NAV3: variants seen among roughly 807,000 people sequenced by gnomAD.
NAV3 encodes neuron navigator 3.
NAV3 carries 87 observed loss-of-function variants against 244.7 expected under a neutral mutation model. The ratio of observed to expected loss-of-function variants is 0.36; its 90% CI spans 0.30 to 0.42. NAV3 has a LOEUF of 0.42. Ranked by LOEUF, NAV3 falls within the 20% of genes least tolerant of loss-of-function variation. The probability of loss-of-function intolerance (pLI) is 1.00; values close to 1 mark genes in which losing one functional copy is unlikely to be tolerated. For synonymous variants in NAV3, 1,126 were observed against 1,042.2 expected (o/e 1.08, Z -1.55); for missense variants, 2,663 against 2,893.3 (o/e 0.92, Z 1.83).
rs145852720 is a variant in NAV3, at chr12:77,687,678, A to G, written c.72+115412A>G. Among the ~76,000 whole-genome samples the G allele has an allele frequency of 2.4e-3, 373 of 152,282 alleles. 2 individuals carry two copies. The highest frequency in any genetic ancestry group is 3.7e-3 in the Non-Finnish European group (251 of 67,998). On this transcript the variant is annotated intron_variant, in intron 2 of 8. Transcript: ENST00000550042. ...TCTAGCCTAATAAAAAGAGAAACTCATGAGAAAAAACTGGACTATTAGACT... is the reference window on the plus strand; with the variant it reads ...TCTAGCCTAATAAAAAGAGAAACTCGTGAGAAAAAACTGGACTATTAGACT...
In NAV3 at chr12:77,848,874, A is replaced by T. The variant is rs182894721; in HGVS notation, c.243+17170A>T. Among the ~76,000 whole-genome samples the T allele has an allele frequency of 1.4e-4, 21 of 152,238 alleles. No homozygotes were observed. The East Asian group carries it at 3.7e-3, about 27-fold the overall frequency. ...GCAGAGAAATCTCCTAATGAGGATT[A>T]AAAAAAATCAATATTTTCAATATGA... On this transcript the variant is annotated intron_variant, in intron 1 of 39. Coordinates refer to ENST00000397909, the MANE Select transcript of NAV3 (RefSeq NM_001024383.2).
chr12:78,190,117 C>T lies in NAV3; in HGVS notation c.6189C>T (p.Thr2063=). 1.2e-6 allele frequency: 2 copies of T among 1,613,060 alleles called. No homozygotes were observed. The highest frequency in any genetic ancestry group is 1.7e-6 in the Non-Finnish European group (2 of 1,179,500). The change falls in exon 34 of 40, where the codon ACC becomes ACT. Residue 2063 remains threonine (T), a synonymous_variant. Transcript: ENST00000397909. ...ILSGPSGTGK[T]YLANKLAEYV... ...CAGGACCGAGTGGTACTGGAAAGAC[C>T]TATTTGGCAAACAAACTTGCTGAAT...
Position 78,006,659 on chromosome 12 carries a change from T to C in NAV3, c.1121T>C (p.Val374Ala), listed in dbSNP as rs756584323. 10 of 1,613,928 alleles carry C rather than the reference T, an allele frequency of 6.2e-6. No homozygotes were observed. The highest frequency in any genetic ancestry group is 4.5e-5 in the East Asian group (2 of 44,832). Reference sequence around the variant, plus strand: ...CTGAAGCCACCTGTCTCAGAAGGGGTCAAAACTGCTCCCTCAGGACAGAAA... The same window carrying C: ...CTGAAGCCACCTGTCTCAGAAGGGGCCAAAACTGCTCCCTCAGGACAGAAA... ...DRLKPPVSEG[V>A]KTAPSGQKSM... Residue 374 changes from valine (V) to alanine (A), a missense_variant, in exon 8 of 40, where the codon GTC becomes GCC. By Grantham distance (64) the Val-to-Ala change is moderately conservative (BLOSUM62 0). Coordinates refer to ENST00000397909, the MANE Select transcript of NAV3 (RefSeq NM_001024383.2).
rs1273841986 is a variant in NAV3 at position 78,179,568 on chromosome 12, G to A, written c.5403G>A (p.Leu1801=). 6.2e-7 allele frequency: 1 copy of A among 1,613,218 alleles called. No homozygotes were observed. Residue 1801 remains leucine, a synonymous_variant, in exon 29 of 40, where the codon CTG becomes CTA. Transcript: ENST00000397909. ...CAGAAGCTGAGGCAGAGATAATTCT[G>A]CAGCTGAAGAGCGAGCTCAGAGAAA... ...ECTEAEAEII[L]QLKSELREKE... is the part of the protein sequence containing the mutation.
At chr12:78,035,539 G>A (rs935231522) in intron 9 of NAV3, among the ~76,000 whole-genome samples, 4 of 152,146 alleles carry the variant, frequency 2.6e-5, no homozygotes, top group Non-Finnish European at 5.9e-5. Context: ...TAAGAAATAA[G>A]AGCTGATTAT....
intron 2 of NAV3, among the ~76,000 whole-genome samples, chr12:77,585,767 A>G (rs942723262): frequency 2.6e-5 from 4 of 152,328 alleles, no homozygotes; most frequent in Non-Finnish European, 5.9e-5. Context: ...GCCACAAGCC[A>G]GTACTGGTCC....
At chr12:78,020,484 T>C (rs1353551809) in intron 8 of NAV3, among the ~76,000 whole-genome samples, 1 of 152,188 alleles carries the variant, frequency 6.6e-6, no homozygotes, top group Admixed American at 6.5e-5. Flanking sequence ...TCAGAAATTA[T>C]TGGAGTCCAA....
At chr12:77,585,156 T>C (rs1869542002) in intron 2 of NAV3, among the ~76,000 whole-genome samples, 1 of 152,158 alleles carries the variant, frequency 6.6e-6, no homozygotes, top group South Asian at 2.1e-4. Flanking sequence ...CAGGATGGTC[T>C]CAGAGAGAAG....
intron 2 of NAV3, among the ~76,000 whole-genome samples, chr12:77,688,598 T>C (rs539614515): frequency 6.6e-6 from 1 of 151,974 alleles, no homozygotes; most frequent in African/African-American, 2.4e-5. Context: ...ACTAAGAGGG[T>C]GGAATAGTTC....
At chr12:78,116,396 A>G (rs890587357) in intron 12 of NAV3, among the ~76,000 whole-genome samples, 1 of 152,178 alleles carries the variant, frequency 6.6e-6, no homozygotes, top group Non-Finnish European at 1.5e-5. Flanking sequence ...GATTTTTAGA[A>G]CAAAGAATAA....
At chr12:77,755,717 C>A (rs924374579) in intron 2 of NAV3, among the ~76,000 whole-genome samples, 1 of 146,112 alleles carries the variant, frequency 6.8e-6, no homozygotes, top group African/African-American at 2.5e-5. Context: ...TCTTTATTTT[C>A]TTTCTCTCTT....
At chr12:77,805,030 A>G (rs1047943982) in intron 2 of NAV3, among the ~76,000 whole-genome samples, 13 of 151,990 alleles carry the variant, frequency 8.6e-5, no homozygotes, top group Admixed American at 2.0e-4. Context: ...GTGTCTTGAG[A>G]CTACTGAAGT....
intron 2 of NAV3, among the ~76,000 whole-genome samples, chr12:77,816,002 A>G (rs544705054): frequency 6.6e-6 from 1 of 152,284 alleles, no homozygotes; most frequent in South Asian, 2.1e-4. Flanking sequence ...ATTTTAGAGG[A>G]CAGGGAGCTA....
rs756892035 is a variant in NAV3, at chr12:77,940,350, C to A, written c.275C>A (p.Ala92Glu). The A allele has an allele frequency of 8.7e-6, 14 of 1,613,840 alleles. No homozygotes were observed. The highest frequency in any genetic ancestry group is 4.4e-5 in the South Asian group (4 of 91,066). ...IYTDWANHYL[A>E]KSGHKRLIKD... is the part of the protein sequence containing the mutation. The stretch of plus-strand genomic sequence containing the variant: ...ACTGACTGGGCCAACCACTACCTAG[C>A]AAAATCAGGCCACAAGCGGCTGATC... The change falls in exon 2 of 40, where the codon GCA becomes GAA. Residue 92 changes from alanine to glutamate, a missense_variant. By Grantham distance (107) the Ala-to-Glu change is moderately radical (BLOSUM62 -1). Transcript: ENST00000397909.
chr12:77,776,739 G>A (rs1870380204), intron 2 of NAV3, among the ~76,000 whole-genome samples: 3 of 152,142 alleles, frequency 2.0e-5, no homozygotes, highest in Admixed American at 2.0e-4. Context: ...CGAATATGCA[G>A]GGAGGCCGAG....
intron 2 of NAV3, among the ~76,000 whole-genome samples, chr12:77,576,966 G>A (rs1274852333): frequency 2.6e-5 from 4 of 152,052 alleles, no homozygotes; most frequent in Admixed American, 2.6e-4. Flanking sequence ...CAATCCTGAA[G>A]CACGGCTCTA....
chr12:78,074,264 A>G lies in NAV3; in HGVS notation c.2636+15149A>G, dbSNP rs1011965213. Among the ~76,000 whole-genome samples, 11 of 152,370 alleles carry G rather than the reference A, an allele frequency of 7.2e-5. No individual in the cohort carries two copies. In the South Asian group the frequency reaches 1.7e-3, roughly 23 times the overall value. ...GATATTTTATAGACTTCTGGAAAAG[A>G]CACACAGAGTCTTCAAAAATAATAT... On this transcript the variant is annotated intron_variant, in intron 12 of 39. Coordinates refer to ENST00000397909, the MANE Select transcript of NAV3 (RefSeq NM_001024383.2).
At chr12:78,092,382 T>C (rs937234752) in intron 12 of NAV3, among the ~76,000 whole-genome samples, 2 of 151,896 alleles carry the variant, frequency 1.3e-5, no homozygotes, top group African/African-American at 4.8e-5. Flanking sequence ...GGGAGGGCCA[T>C]AGTGTATAAA....
intron 12 of NAV3, among the ~76,000 whole-genome samples, chr12:78,100,376 A>G (rs1428057779): frequency 6.6e-6 from 1 of 151,784 alleles, no homozygotes; most frequent in Admixed American, 6.6e-5. Flanking sequence ...ACTTTCCCCA[A>G]AATTGTTTTA....
Sources: allele counts gnomAD v4.1 joint callset (sites outside exome capture counted in the v4.1 genomes callset), GRCh38; gene constraint gnomAD v4.1.1; transcripts MANE v1.5; gene names NCBI Gene and HGNC (gene_info 2026-07-23, HGNC 2026-07-21).